STK32C: variants seen among roughly 807,000 people sequenced by gnomAD.
STK32C encodes serine/threonine-protein kinase 32C.
STK32C carries 31 observed loss-of-function variants against 56.5 expected under a neutral mutation model. The ratio of observed to expected loss-of-function variants is 0.55; its 90% CI spans 0.41 to 0.74. The LOEUF (loss-of-function observed/expected upper bound fraction) is 0.74. Among genes scored for constraint, STK32C ranks in the 30% least tolerant of loss-of-function variants. The pLI is 0.00. For missense variants in STK32C, 544 were observed against 676.9 expected (o/e 0.80, Z 2.18); for synonymous variants, 309 against 289.4 (o/e 1.07, Z -0.69).
chr10:132,251,384 T>G (rs1272996656), intron 1 of STK32C, among the ~76,000 whole-genome samples: 1 of 151,798 alleles, frequency 6.6e-6, no homozygotes, highest in African/African-American at 2.4e-5. Context: ...CCAGAAGGAG[T>G]GGGTGTGCAA....
chr10:132,329,092 A>C (rs1332852439), intron 1 of STK32C, among the ~76,000 whole-genome samples: 2 of 152,254 alleles, frequency 1.3e-5, no homozygotes, highest in African/African-American at 4.8e-5. Context: ...AAAACAATAA[A>C]GCACAGTTTA....
intron 1 of STK32C, among the ~76,000 whole-genome samples, chr10:132,301,931 T>C (rs1471730077): frequency 1.3e-5 from 2 of 152,168 alleles, no homozygotes; most frequent in Admixed American, 6.5e-5. Flanking sequence ...ATGCACCGGC[T>C]ATATACTCAC....
At chr10:132,264,744 G>A (rs1311255090) in intron 1 of STK32C, among the ~76,000 whole-genome samples, 2 of 152,240 alleles carry the variant, frequency 1.3e-5, no homozygotes, top group African/African-American at 2.4e-5. Flanking sequence ...AAGCCAGCGA[G>A]GTGGGACCTA....
chr10:132,217,282 T>C (rs1024501660), intron 10 of STK32C, among the ~76,000 whole-genome samples: 23 of 152,258 alleles, frequency 1.5e-4, no homozygotes, highest in African/African-American at 5.3e-4. Flanking sequence ...CCTGCTGGAT[T>C]TCAGACTTGC....
chr10:132,331,310 G>T, intron 1 of STK32C: 1 of 941,784 alleles, frequency 1.1e-6, no homozygotes, highest in Non-Finnish European at 1.5e-6. Flanking sequence ...TTCATTATCA[G>T]TTGGATCCTG....
intron 1 of STK32C, among the ~76,000 whole-genome samples, chr10:132,248,299 G>C (rs1457642137): frequency 6.6e-6 from 1 of 152,238 alleles, no homozygotes; most frequent in African/African-American, 2.4e-5. Context: ...CTGGGCCGTG[G>C]CAGGGGAGAT....
At chr10:132,281,845 G>T in intron 1 of STK32C, among the ~76,000 whole-genome samples, 1 of 152,238 alleles carries the variant, frequency 6.6e-6, no homozygotes, top group East Asian at 1.9e-4. Context: ...TGGTGCTGAG[G>T]CCGCGGGGCA....
At chr10:132,221,351 G>A (rs1351077371) in intron 10 of STK32C, among the ~76,000 whole-genome samples, 1 of 148,622 alleles carries the variant, frequency 6.7e-6, no homozygotes, top group African/African-American at 2.5e-5. Context: ...TGACGCACCT[G>A]GGCGAGTGTG....
intron 1 of STK32C, among the ~76,000 whole-genome samples, chr10:132,246,530 C>T (rs940379321): frequency 1.3e-5 from 2 of 152,196 alleles, no homozygotes; most frequent in African/African-American, 4.8e-5. Flanking sequence ...CCACCATGAC[C>T]TGTGTAGCCT....
In STK32C at chr10:132,238,025, G is replaced by C. The variant is rs143010260; in HGVS notation, c.318+7875C>G. Among the ~76,000 whole-genome samples the C allele has an allele frequency of 2.2e-3, 342 of 152,206 alleles. 2 individuals are homozygous for C. The highest frequency in any genetic ancestry group is 7.6e-3 in the African/African-American group (316 of 41,530). Reference sequence around the variant, plus strand: ...GGAGCCCCCGAGACTCTCCAGCCCTGACCCTCCCAGAGAAAAGGCAGCTGC... The same window carrying C: ...GGAGCCCCCGAGACTCTCCAGCCCTCACCCTCCCAGAGAAAAGGCAGCTGC... On this transcript the variant is annotated intron_variant, in intron 2 of 11. Transcript: ENST00000298630.
Position 132,225,546 on chromosome 10 carries a change from T to C in STK32C, c.753A>G (p.Ala251=), listed in dbSNP as rs2062857527. The change falls in exon 6 of 12, where the codon GCA becomes GCG. Residue 251 remains alanine, a synonymous_variant. Transcript: ENST00000298630. ...GCTCACCCATGTACGGCTTGGTGCCTGCTAATGCCGTCGCCCGCTCCCCGT... is the reference window on the plus strand; with the variant it reads ...GCTCACCCATGTACGGCTTGGTGCCCGCTAATGCCGTCGCCCGCTCCCCGT... ...IKDGERATAL[A]GTKPYMAPEI... 9 of 1,613,710 alleles carry C rather than the reference T, an allele frequency of 5.6e-6. No individual in the cohort carries two copies. Among genetic ancestry groups the C allele is most frequent in the African/African-American group, 4.0e-5 (3 of 74,924 alleles).
At chr10:132,331,921 C>G (rs2066780565), upstream of STK32C, 1 of 712,132 alleles carries the variant, frequency 1.4e-6, no homozygotes, top group Admixed American at 3.6e-5. Context: ...CCACAACCCC[C>G]CCACCGCAAG....
At position 132,307,887 on chromosome 10, in the gene STK32C, G is replaced by A. The variant is rs2066128911; in HGVS notation, c.-54C>T. ...GAACTCGGGGCATGGCCGGCCGGCA[G>A]GGCCGGGAGCGGCAGTGGTAGCGGG... On this transcript the variant is annotated 5_prime_UTR_variant, in exon 1 of 12. Coordinates refer to ENST00000298630, the MANE Select transcript of STK32C (RefSeq NM_173575.4). This position sits in a 1 kb window ranked among gnomAD's most constrained non-coding sequence, Gnocchi z 4.4. The A allele has an allele frequency of 2.6e-6, 3 of 1,137,494 alleles. No homozygotes were observed. Among genetic ancestry groups the A allele is most frequent in the South Asian group, 1.9e-5 (1 of 52,180 alleles). The allele number at this position is 1,137,494 out of a possible 1,614,324, so 70.5% of individuals were successfully genotyped here.
chr10:132,301,927 C>T (rs887231312), intron 1 of STK32C, among the ~76,000 whole-genome samples: 5 of 152,206 alleles, frequency 3.3e-5, no homozygotes, highest in African/African-American at 7.2e-5. Context: ...CATGATGCAC[C>T]GGCTATATAC....
At chr10:132,223,690 A>G (rs2062767545) in intron 8 of STK32C, among the ~76,000 whole-genome samples, 1 of 152,166 alleles carries the variant, frequency 6.6e-6, no homozygotes, top group Non-Finnish European at 1.5e-5. Flanking sequence ...CTGCTTGGCT[A>G]CAATTCCAGG....
In STK32C at chr10:132,227,961, G is replaced by A. The variant is rs2062954327; in HGVS notation, c.470+16C>T. The A allele has an allele frequency of 3.1e-6, 5 of 1,611,774 alleles. No individual in the cohort carries two copies. In the South Asian group the frequency reaches 5.5e-5, roughly 18 times the overall value. On this transcript the variant is annotated intron_variant, in intron 3 of 11. Coordinates refer to ENST00000298630, the MANE Select transcript of STK32C (RefSeq NM_173575.4). ...GGACGGTAAGTCTTTCTGCAGCGAGGCCATGGCAGGCTCACCAGAGGTTCA... is the reference window on the plus strand; with the variant it reads ...GGACGGTAAGTCTTTCTGCAGCGAGACCATGGCAGGCTCACCAGAGGTTCA...
chr10:132,238,993 C>T (rs1050913878), intron 2 of STK32C, among the ~76,000 whole-genome samples: 9 of 152,302 alleles, frequency 5.9e-5, no homozygotes, highest in Non-Finnish European at 1.0e-4. Flanking sequence ...CTGAAACCCT[C>T]GCCCTGGGCC....
intron 2 of STK32C, 46 bp downstream of exon 2, chr10:132,245,854 T>TGCCCCTGCCCCCTCAGCCCAGTCCC (rs2063668974): frequency 6.3e-7 from 1 of 1,584,796 alleles, no homozygotes; most frequent in African/African-American, 1.3e-5. Context: ...TCCACGGTTC[T>TGCCCCTGCCCCCTCAGCCCAGTCCC]GCCCCTGCCC....
chr10:132,277,676 G>A (rs1485248852), intron 1 of STK32C, among the ~76,000 whole-genome samples: 2 of 152,210 alleles, frequency 1.3e-5, no homozygotes, highest in Non-Finnish European at 2.9e-5. Flanking sequence ...GCCTGCAGGG[G>A]ACTTTATTCG....
Sources: gnomAD v4.1 joint callset for allele counts (sites outside exome capture counted in the v4.1 genomes callset) on GRCh38, gnomAD v4.1.1 for gene constraint, Gnocchi (gnomAD v3.1) non-coding constraint, MANE v1.5 for transcripts, NCBI Gene and HGNC (gene_info 2026-07-23, HGNC 2026-07-21) for gene names.